Variants in PPARGC1A observed in about 807,000 individuals in gnomAD.
PPARGC1A encodes the protein PPARG coactivator 1 alpha.
PPARGC1A carries 25 observed loss-of-function variants against 88.7 expected under a neutral mutation model. The ratio of observed to expected loss-of-function variants is 0.28; its 90% CI spans 0.21 to 0.39. The LOEUF (loss-of-function observed/expected upper bound fraction) is 0.39. PPARGC1A is among the 10% of genes least tolerant of loss of function. PPARGC1A has a pLI of 1.00. For missense variants in PPARGC1A, 880 were observed against 968.7 expected (o/e 0.91, Z 1.22); for synonymous variants, 363 against 355.6 (o/e 1.02, Z -0.24).
chr4:23,992,466 A>G, the PPARGC1A span, among the ~76,000 whole-genome samples: 1 of 152,022 alleles, frequency 6.6e-6, no homozygotes, highest in Non-Finnish European at 1.5e-5. Flanking sequence ...TATGTTTCTC[A>G]GGTAAAAATA....
At chr4:23,912,973 A>AT in the PPARGC1A span, among the ~76,000 whole-genome samples, 4 of 146,870 alleles carry the variant, frequency 2.7e-5, no homozygotes, top group East Asian at 2.0e-4. Flanking sequence ...TTTTTTTTTA[A>AT]TTTTTTTATT....
chr4:23,954,570 G>A, the PPARGC1A span, among the ~76,000 whole-genome samples: 5 of 151,856 alleles, frequency 3.3e-5, no homozygotes, highest in Admixed American at 6.6e-5. Context: ...CATAATTTTA[G>A]CATAATTCTT....
the PPARGC1A span, among the ~76,000 whole-genome samples, chr4:24,413,998 A>C: frequency 7.2e-5 from 11 of 152,274 alleles, no homozygotes; most frequent in East Asian, 2.1e-3. Context: ...TAAAAAGCAA[A>C]AGTGAGACTC....
At chr4:24,110,714 A>C in the PPARGC1A span, among the ~76,000 whole-genome samples, 3 of 152,358 alleles carry the variant, frequency 2.0e-5, no homozygotes, top group Admixed American at 6.5e-5. Flanking sequence ...AACACTTGAC[A>C]GGCACATTAA....
the PPARGC1A span, among the ~76,000 whole-genome samples, chr4:24,097,010 C>T: frequency 6.6e-6 from 1 of 152,102 alleles, no homozygotes; most frequent in Non-Finnish European, 1.5e-5. Flanking sequence ...GGGAGGATTG[C>T]TTGAGCCTAA....
At chr4:24,472,356 G>T in the PPARGC1A span, among the ~76,000 whole-genome samples, 1 of 151,698 alleles carries the variant, frequency 6.6e-6, no homozygotes, top group African/African-American at 2.4e-5. The surrounding 1 kb of genome is among the most constrained non-coding windows in gnomAD (Gnocchi z 4.5). Context: ...ACGCCGCCCG[G>T]CACCGAGCCA....
chr4:23,906,444 A>C (rs1306900081), upstream of PPARGC1A, among the ~76,000 whole-genome samples: 5 of 151,802 alleles, frequency 3.3e-5, no homozygotes, highest in African/African-American at 1.2e-4. Flanking sequence ...GAAACCCTGT[A>C]TCTACTAAAA....
chr4:24,198,579 CG>C, the PPARGC1A span, among the ~76,000 whole-genome samples: 2 of 152,180 alleles, frequency 1.3e-5, no homozygotes, highest in South Asian at 4.1e-4. Context: ...TCAGGTCCCC[CG>C]TTTAAAAAGT....
At chr4:24,036,947 G>T in the PPARGC1A span, among the ~76,000 whole-genome samples, 1 of 152,140 alleles carries the variant, frequency 6.6e-6, no homozygotes, top group East Asian at 1.9e-4. Flanking sequence ...TATTAATATT[G>T]GCTCATATTT....
At chr4:24,028,012 G>A in the PPARGC1A span, among the ~76,000 whole-genome samples, 1 of 152,090 alleles carries the variant, frequency 6.6e-6, no homozygotes, top group African/African-American at 2.4e-5. Context: ...CATTTAATAG[G>A]TGAGGAGACT....
At chr4:24,180,643 G>T in the PPARGC1A span, among the ~76,000 whole-genome samples, 1 of 152,074 alleles carries the variant, frequency 6.6e-6, no homozygotes, top group African/African-American at 2.4e-5. Flanking sequence ...CTATTTTATT[G>T]GTCCCCACTG....
At chr4:23,992,047 T>A in the PPARGC1A span, among the ~76,000 whole-genome samples, 2 of 152,052 alleles carry the variant, frequency 1.3e-5, no homozygotes, top group African/African-American at 2.4e-5. Flanking sequence ...TCTTTTTTTT[T>A]ATGACATTCA....
upstream of PPARGC1A, among the ~76,000 whole-genome samples, chr4:23,907,973 A>G (rs1330621585): frequency 6.6e-6 from 1 of 152,214 alleles, no homozygotes; most frequent in Non-Finnish European, 1.5e-5. Context: ...TGGGGCACAG[A>G]GTGAGCCTCT....
At chr4:23,931,723 T>C in the PPARGC1A span, among the ~76,000 whole-genome samples, 1 of 152,144 alleles carries the variant, frequency 6.6e-6, no homozygotes, top group Admixed American at 6.5e-5. Context: ...AATACCTAAG[T>C]TACAAGACTG....
At chr4:24,284,015 C>T in the PPARGC1A span, among the ~76,000 whole-genome samples, 1 of 151,770 alleles carries the variant, frequency 6.6e-6, no homozygotes, top group African/African-American at 2.4e-5. Context: ...CACAGTGGCT[C>T]ATGCCTGTAA....
chr4:24,169,427 G>T, the PPARGC1A span, among the ~76,000 whole-genome samples: 2 of 152,148 alleles, frequency 1.3e-5, no homozygotes, highest in East Asian at 3.8e-4. Context: ...ATAACTATCA[G>T]TTCACTAATT....
the PPARGC1A span, among the ~76,000 whole-genome samples, chr4:24,174,821 C>T: frequency 3.3e-5 from 5 of 152,194 alleles, no homozygotes; most frequent in Admixed American, 6.5e-5. Flanking sequence ...ATGGGAATGT[C>T]CCAGACTAAT....
the PPARGC1A span, among the ~76,000 whole-genome samples, chr4:24,347,275 A>C: frequency 6.7e-6 from 1 of 150,148 alleles, no homozygotes; most frequent in East Asian, 2.0e-4. Context: ...TATATCTGTG[A>C]AGGCCATTTG....
the PPARGC1A span, among the ~76,000 whole-genome samples, chr4:24,114,932 A>C: frequency 6.6e-6 from 1 of 152,140 alleles, no homozygotes; most frequent in African/African-American, 2.4e-5. Flanking sequence ...CTTTTCTTCT[A>C]ACTTAATTTA....
Sources: gnomAD v4.1 joint callset for allele counts (sites outside exome capture counted in the v4.1 genomes callset) on GRCh38, gnomAD v4.1.1 for gene constraint, Gnocchi (gnomAD v3.1) non-coding constraint, MANE v1.5 for transcripts, NCBI Gene and HGNC (gene_info 2026-07-23, HGNC 2026-07-21) for gene names.